Variants in PLGLB2 observed in about 807,000 individuals in gnomAD.
PLGLB2 encodes the protein plasminogen-like protein B.
At chr2:87,750,749 G>T in intron 1 of PLGLB2, among the ~76,000 whole-genome samples, 1 of 150,836 alleles carries the variant, frequency 6.6e-6, no homozygotes, top group Non-Finnish European at 1.5e-5. Flanking sequence ...CTTCCTACTG[G>T]ATATTTGTCA....
chr2:87,751,505 T>C (rs1387506170), intron 1 of PLGLB2: 1 of 151,502 alleles, frequency 6.6e-6, no homozygotes, highest in African/African-American at 2.4e-5. Context: ...CCAAAATTTA[T>C]GTGTCTCAAG....
Position 87,758,577 on chromosome 2 carries a change from A to AAAT in PLGLB2, c.*1760_*1762dup, listed in dbSNP as rs2104220148. Among the ~76,000 whole-genome samples, 1 of 119,544 alleles carries AAAT rather than the reference A, an allele frequency of 8.4e-6. No individual in the cohort carries two copies. Among genetic ancestry groups the AAAT allele is most frequent in the South Asian group, 3.2e-4 (1 of 3,146 alleles). 78.4% of individuals were successfully genotyped at this position (119,544 alleles called of 152,430 possible). A position where few individuals can be genotyped will look rare whatever the true frequency, so the allele number is the denominator to read the frequency against. On this transcript the variant is annotated 3_prime_UTR_variant, in exon 4 of 4. Transcript: ENST00000359481. ...TGCCAGAAGCAGCCTATCAATAGAG[A>AAAT]AATTGAAAATCTGACCACACAAATG...
At chr2:87,751,520 G>A (rs1426270327) in intron 1 of PLGLB2, 2 of 151,122 alleles carry the variant, frequency 1.3e-5, no homozygotes, top group Admixed American at 6.6e-5. Context: ...CTCAAGGAGG[G>A]ACCATTCAGA....
At chr2:87,754,752 AAAAC>A (rs1448677075) in intron 3 of PLGLB2, among the ~76,000 whole-genome samples, 14 of 151,586 alleles carry the variant, frequency 9.2e-5, no homozygotes, top group African/African-American at 3.1e-4. Flanking sequence ...TTTAAAAAAA[AAAAC>A]AAAAAACCCT....
At position 87,758,153 on chromosome 2, in the gene PLGLB2, G is replaced by C. The variant is rs1004935061; in HGVS notation, c.*1335G>C. On this transcript the variant is annotated 3_prime_UTR_variant, in exon 4 of 4. Coordinates refer to ENST00000359481, the MANE Select transcript of PLGLB2 (RefSeq NM_002665.4). ...AGAGAAAACCAGGACTTTGGAATCAGACAGATCAACTTTGAATTCTTGATC... is the reference window on the plus strand; with the variant it reads ...AGAGAAAACCAGGACTTTGGAATCACACAGATCAACTTTGAATTCTTGATC... 2.0e-5 allele frequency among the ~76,000 whole-genome samples: 3 copies of C among 151,504 alleles called. No individual in the cohort carries two copies. The highest frequency in any genetic ancestry group is 6.6e-5 in the Admixed American group (1 of 15,208).
At chr2:87,749,113 TTTTC>T (rs1330977317) in intron 1 of PLGLB2, among the ~76,000 whole-genome samples, 4 of 150,220 alleles carry the variant, frequency 2.7e-5, no homozygotes, top group Non-Finnish European at 5.9e-5. Flanking sequence ...TAGTAGTTCT[TTTTC>T]TTTTTCTTTT....
chr2:87,751,568 C>G (rs1461931290), intron 1 of PLGLB2: 1 of 149,536 alleles, frequency 6.7e-6, no homozygotes, highest in Non-Finnish European at 1.5e-5. Context: ...GTGTCAGAAC[C>G]AAAGCGCATA....
intron 1 of PLGLB2, chr2:87,751,566 AC>A (rs1245270835): frequency 6.7e-6 from 1 of 149,780 alleles, no homozygotes; most frequent in African/African-American, 2.4e-5. Flanking sequence ...CAGTGTCAGA[AC>A]CAAAGCGCAT....
At chr2:87,750,785 C>T (rs1684633950) in intron 1 of PLGLB2, among the ~76,000 whole-genome samples, 1 of 150,040 alleles carries the variant, frequency 6.7e-6, no homozygotes, top group African/African-American at 2.4e-5. Flanking sequence ...GTGCGCTCTG[C>T]AGTGTGTCAT....
chr2:87,756,013 TC>T (rs2104205730), intron 3 of PLGLB2: 1 of 4,594 alleles, frequency 2.2e-4, no homozygotes, highest in South Asian at 5.0e-3. Flanking sequence ...GAGCTTTGTT[TC>T]TTTTCACATT....
At position 87,758,288 on chromosome 2, in the gene PLGLB2, GT is replaced by G. The variant is rs1196999641; in HGVS notation, c.*1478del. Among the ~76,000 whole-genome samples, 2 of 112,208 alleles carry G rather than the reference GT, an allele frequency of 1.8e-5. No individual in the cohort carries two copies. The highest frequency in any genetic ancestry group is 6.6e-5 in the African/African-American group (2 of 30,522). 73.6% of individuals were successfully genotyped at this position (112,208 alleles called of 152,430 possible). A position where few individuals can be genotyped will look rare whatever the true frequency, so the allele number is the denominator to read the frequency against. On this transcript the variant is annotated 3_prime_UTR_variant, in exon 4 of 4. Transcript: ENST00000359481. The stretch of plus-strand genomic sequence containing the variant: ...GGGATAATAACACCTTCCTCAAATG[GT>G]TTTTTTTATTAGGACTAAAAGAGAG...
At position 87,756,714 on chromosome 2, in the gene PLGLB2, CAG is replaced by C. The variant is rs1469273700; in HGVS notation, c.*2-105_*2-104del. ...AAGATGATCTTTTAGAAAGCAGAAA[CAG>C]GGGGTCTGGTGCATGAGATCTTTTT... On this transcript the variant is annotated intron_variant, in intron 3 of 3. Transcript: ENST00000359481. The C allele has an allele frequency of 9.5e-5, 52 of 544,982 alleles. 1 individual carries two copies. The highest frequency in any genetic ancestry group is 2.0e-4 in the Admixed American group (7 of 34,464). 33.8% of individuals were successfully genotyped at this position (544,982 alleles called of 1,614,324 possible).
In PLGLB2 at chr2:87,750,229, G is replaced by A. The variant is rs1303830729; in HGVS notation, c.50-2018G>A. Among the ~76,000 whole-genome samples, 3 of 152,324 alleles carry A rather than the reference G, an allele frequency of 2.0e-5. No homozygotes were observed. The East Asian group carries it at 5.8e-4, about 29-fold the overall frequency. On this transcript the variant is annotated intron_variant, in intron 1 of 3. Transcript: ENST00000359481. ...CATGACACAGAGAACTTAATTGAAG[G>A]GGGAAATAAATGGAAGTTTTCTTTT...
At chr2:87,756,284 A>T (rs1487341017) in intron 3 of PLGLB2, 2 of 64,412 alleles carry the variant, frequency 3.1e-5, no homozygotes, top group African/African-American at 5.5e-5. Flanking sequence ...TTTACAGTAG[A>T]CCACAATTTT....
intron 1 of PLGLB2, chr2:87,751,378 C>T (rs1322277939): frequency 1.4e-5 from 2 of 147,884 alleles, no homozygotes; most frequent in African/African-American, 4.9e-5. Context: ...CAGCCCAGTA[C>T]AAAAATGGCC....
chr2:87,752,887 C>A (rs1202165065), intron 2 of PLGLB2, among the ~76,000 whole-genome samples: 2 of 68,006 alleles, frequency 2.9e-5, no homozygotes, highest in Non-Finnish European at 5.7e-5. Context: ...CTAGAGAAGG[C>A]TCAGGGAGGA....
chr2:87,750,378 A>C (rs1684626498), intron 1 of PLGLB2, among the ~76,000 whole-genome samples: 1 of 151,652 alleles, frequency 6.6e-6, no homozygotes, highest in Non-Finnish European at 1.5e-5. Flanking sequence ...ACTGCGAGCT[A>C]TAGAATTAAC....
intron 1 of PLGLB2, among the ~76,000 whole-genome samples, chr2:87,750,096 A>G (rs1684622091): frequency 6.6e-6 from 1 of 152,214 alleles, no homozygotes; most frequent in Non-Finnish European, 1.5e-5. Context: ...AATGGGGGAA[A>G]ATTATTTCAA....
chr2:87,756,520 T>G (rs1684726978), intron 3 of PLGLB2: 1 of 309,082 alleles, frequency 3.2e-6, no homozygotes, highest in East Asian at 6.4e-5. Context: ...CCTGTCTGAT[T>G]CCACTAGAAT....
Sources: allele counts gnomAD v4.1 joint callset (sites outside exome capture counted in the v4.1 genomes callset), GRCh38; gene constraint gnomAD v4.1.1; transcripts MANE v1.5; gene names NCBI Gene and HGNC (gene_info 2026-07-23, HGNC 2026-07-21).